The following PLIN4 variants were observed in gnomAD, a reference collection of about 807,000 sequenced individuals.
PLIN4 encodes the protein perilipin 4, also known as perilipin-4.
In PLIN4, 57 loss-of-function variants were observed where a neutral mutation model predicts 52.4. The observed-to-expected ratio is 1.09, with a 90% CI of 0.88 to 1.36. The LOEUF (loss-of-function observed/expected upper bound fraction) is 1.36. Ranked by LOEUF, PLIN4 falls within the 40% of genes most tolerant of loss-of-function variation. The pLI, the probability that PLIN4 is intolerant of heterozygous loss-of-function variation, is 0.00. For synonymous variants in PLIN4, 826 were observed against 785.4 expected (o/e 1.05, Z -0.86); for missense variants, 1,757 against 1,770.3 (o/e 0.99, Z 0.13).
At chr19:4,510,124 T>C (rs575397322) in intron 5 of PLIN4, among the ~76,000 whole-genome samples, 3 of 152,058 alleles carry the variant, frequency 2.0e-5, no homozygotes, top group Non-Finnish European at 2.9e-5. Context: ...TCTCAGCACT[T>C]GGGAAGCTGA....
intron 6 of PLIN4, among the ~76,000 whole-genome samples, chr19:4,506,649 C>T (rs1342236926): frequency 1.2e-4 from 18 of 152,230 alleles, no homozygotes; most frequent in Admixed American, 1.2e-3. Context: ...TCACGTGTGG[C>T]CCTGAGCAAA....
intron 4 of PLIN4, 82 bp from the exon 5 acceptor site, chr19:4,513,783 G>T: frequency 6.8e-7 from 1 of 1,466,390 alleles, no homozygotes; most frequent in Non-Finnish European, 9.0e-7. Flanking sequence ...CAGCCCCCTA[G>T]TGTGCTTTGG....
At chr19:4,513,845 C>A in intron 4 of PLIN4, 144 bp from the exon 5 acceptor site, 1 of 1,081,182 alleles carries the variant, frequency 9.2e-7, no homozygotes, top group South Asian at 1.8e-5. Flanking sequence ...AAGCAAGCTG[C>A]TTCCTCCTCA....
chr19:4,511,715 G>A lies in PLIN4; in HGVS notation c.2245C>T (p.Gln749Ter). The change falls in exon 5 of 8, where the codon CAA becomes TAA. Residue 749 changes from glutamine (Q) to a stop codon, truncating the protein, a stop_gained. Coordinates refer to ENST00000301286, the MANE Select transcript of PLIN4 (RefSeq NM_001367868.2). LOFTEE classifies it high-confidence loss of function. ...GAANVAKGAI[Q>*]GGLDTTKSVL... ...GACTTTGTAGTGTCCAGGCCCCCTTGGATGGCCCCTTTGGCCACATTCGCA... is the reference window on the plus strand; with the variant it reads ...GACTTTGTAGTGTCCAGGCCCCCTTAGATGGCCCCTTTGGCCACATTCGCA... 8.5e-7 allele frequency: 1 copy of A among 1,174,476 alleles called. No individual in the cohort carries two copies. Among genetic ancestry groups the A allele is most frequent in the Non-Finnish European group, 1.2e-6 (1 of 845,510 alleles). The allele number at this position is 1,174,476 out of a possible 1,614,324, so 72.8% of individuals were successfully genotyped here.
Position 4,517,621 on chromosome 19 carries a change from C to A in PLIN4, c.129G>T (p.Ala43=), listed in dbSNP as rs182388730. ...TGGGGTCAGCGGCCGGCCGGGCTCTCGCCGAGCTATGTGCGTTGGCCACCA... is the reference window on the plus strand; with the variant it reads ...TGGGGTCAGCGGCCGGCCGGGCTCTAGCCGAGCTATGTGCGTTGGCCACCA... ...RNLVANAHSS[A]RARPAADPTG... The change falls in exon 3 of 8, where the codon GCG becomes GCT. Residue 43 remains alanine (A), a synonymous_variant. Coordinates refer to ENST00000301286, the MANE Select transcript of PLIN4 (RefSeq NM_001367868.2). 7 of 1,609,790 alleles carry A rather than the reference C, an allele frequency of 4.3e-6. No homozygotes were observed. Among genetic ancestry groups the A allele is most frequent in the Non-Finnish European group, 5.9e-6 (7 of 1,178,822 alleles).
chr19:4,505,913 C>G (rs1308044928), intron 6 of PLIN4, among the ~76,000 whole-genome samples: 2 of 148,546 alleles, frequency 1.3e-5, no homozygotes, highest in African/African-American at 2.5e-5. Context: ...CTTGTCTGCT[C>G]AGGTTACAAG....
At chr19:4,516,013 G>A (rs1325432273) in intron 4 of PLIN4, among the ~76,000 whole-genome samples, 3 of 152,046 alleles carry the variant, frequency 2.0e-5, no homozygotes, top group African/African-American at 4.8e-5. Flanking sequence ...AGTGGCTAAT[G>A]CCTGTAATCC....
At chr19:4,505,010 C>T in intron 6 of PLIN4, 63 bp from the exon 7 acceptor site, 3 of 1,437,414 alleles carry the variant, frequency 2.1e-6, no homozygotes, top group Non-Finnish European at 2.8e-6. Context: ...ACAACCCCCA[C>T]CTCCCCCTCC....
At chr19:4,509,121 A>G (rs895575595) in intron 5 of PLIN4, among the ~76,000 whole-genome samples, 166 bp from the exon 6 acceptor site, 1 of 151,510 alleles carries the variant, frequency 6.6e-6, no homozygotes, top group Non-Finnish European at 1.5e-5. Context: ...CATCCTGGCT[A>G]ACACGGTGAA....
At chr19:4,507,499 A>G (rs1465173407) in intron 6 of PLIN4, among the ~76,000 whole-genome samples, 1 of 152,212 alleles carries the variant, frequency 6.6e-6, no homozygotes, top group Non-Finnish European at 1.5e-5. Flanking sequence ...CCTGGGCAAC[A>G]TAGCAAAATC....
intron 3 of PLIN4, 74 bp downstream of exon 3, chr19:4,517,480 C>G (rs886410161): frequency 6.6e-7 from 1 of 1,517,824 alleles, no homozygotes; most frequent in African/African-American, 1.4e-5. Context: ...GCTGGAAGTC[C>G]CTGCCCGGGG....
intron 6 of PLIN4, among the ~76,000 whole-genome samples, chr19:4,508,549 G>C (rs774189493): frequency 4.6e-5 from 7 of 152,176 alleles, no homozygotes; most frequent in Non-Finnish European, 1.0e-4. Flanking sequence ...TTACAGGCGT[G>C]AGCCACCGCA....
At chr19:4,505,028 AC>A in intron 6 of PLIN4, 81 bp from the exon 7 acceptor site, 1 of 1,310,712 alleles carries the variant, frequency 7.6e-7, no homozygotes, top group Non-Finnish European at 1.1e-6. Flanking sequence ...TCCCCCAGGG[AC>A]CTGGGCACAT....
At chr19:4,507,858 C>G (rs1976141981) in intron 6 of PLIN4, among the ~76,000 whole-genome samples, 2 of 152,120 alleles carry the variant, frequency 1.3e-5, no homozygotes, top group South Asian at 4.1e-4. Flanking sequence ...CACCCCAGAG[C>G]ACGATCCGGC....
rs1222753793 is a variant in PLIN4, at chr19:4,504,492, T to C, written c.4083A>G (p.Val1361=). The part of the protein sequence containing the change: ...LQHNPPLSWL[V]GPFALPAGGQ ...CGCCAGCGGGCAAGGCGAAGGGCCC[T>C]ACCAGCCAGCTGAGCGGGGGATTGT... The change falls in exon 8 of 8, where the codon GTA becomes GTG. Residue 1361 remains valine, a synonymous_variant. Transcript: ENST00000301286. 3 of 1,597,374 alleles carry C rather than the reference T, an allele frequency of 1.9e-6. No homozygotes were observed. The highest frequency in any genetic ancestry group is 1.7e-5 in the Admixed American group (1 of 59,440).
intron 5 of PLIN4, 87 bp downstream of exon 5, chr19:4,510,359 C>G (rs1976251479): frequency 2.1e-5 from 26 of 1,267,572 alleles, no homozygotes; most frequent in Non-Finnish European, 2.5e-5. Flanking sequence ...GAGCACGACT[C>G]TGTCTCAAAA....
intron 4 of PLIN4, among the ~76,000 whole-genome samples, chr19:4,516,285 A>G (rs1441666444): frequency 2.6e-5 from 4 of 152,234 alleles, no homozygotes; most frequent in Non-Finnish European, 5.9e-5. Flanking sequence ...ATCTCAAAAA[A>G]TAAAAGTAGA....
intron 5 of PLIN4, among the ~76,000 whole-genome samples, chr19:4,509,376 G>A (rs1289751052): frequency 2.7e-5 from 4 of 148,678 alleles, no homozygotes; most frequent in Non-Finnish European, 5.9e-5. Flanking sequence ...CAGCACATTG[G>A]GAGGCCAAGG....
In PLIN4 at chr19:4,512,326, A is replaced by G; in HGVS notation, c.1634T>C (p.Val545Ala). ...GCCCCCCTGGACGGCCCCTTTGGCC[A>G]CGTTCACAGCACTGGTCACCCCACT... is the stretch of plus-strand genomic sequence containing the variant. ...VCSGVTSAVN[V>A]AKGAVQGGLD... The change falls in exon 5 of 8, where the codon GTG becomes GCG. Residue 545 changes from valine to alanine, a missense_variant. Physicochemically the swap from Val to Ala is moderately conservative, Grantham distance 64. Transcript: ENST00000301286. 6.2e-7 allele frequency: 1 copy of G among 1,611,116 alleles called. No individual in the cohort carries two copies. Among genetic ancestry groups the G allele is most frequent in the Non-Finnish European group, 8.5e-7 (1 of 1,179,464 alleles).
Sources: allele counts gnomAD v4.1 joint callset (sites outside exome capture counted in the v4.1 genomes callset), GRCh38; gene constraint gnomAD v4.1.1; transcripts MANE v1.5; gene names NCBI Gene and HGNC (gene_info 2026-07-23, HGNC 2026-07-21).